Variants in CLNK observed in about 807,000 individuals in gnomAD.
CLNK encodes the protein cytokine-dependent hematopoietic cell linker.
In CLNK, 74 loss-of-function variants were observed where a neutral mutation model predicts 68.6. The ratio of observed to expected loss-of-function variants is 1.08; its 90% CI spans 0.89 to 1.31. CLNK has a LOEUF of 1.31. Ranked by LOEUF, CLNK falls within the 50% of genes most tolerant of loss-of-function variation. CLNK has a pLI of 0.00. For synonymous variants in CLNK, 198 were observed against 172.2 expected, an observed-to-expected ratio of 1.15 and a Z score of -1.17; for missense variants, 553 against 515.3, an observed-to-expected ratio of 1.07 and a Z score of -0.71.
At chr4:10,510,228 G>C (rs182742592) in intron 16 of CLNK, among the ~76,000 whole-genome samples, 1 of 152,062 alleles carries the variant, frequency 6.6e-6, no homozygotes, top group Non-Finnish European at 1.5e-5. Context: ...AATCACTTGC[G>C]GGGGGAGGGG....
At chr4:10,708,408 G>A in the CLNK span, among the ~76,000 whole-genome samples, 1 of 151,866 alleles carries the variant, frequency 6.6e-6, no homozygotes, top group South Asian at 2.1e-4. Flanking sequence ...TTTTACAAAT[G>A]AGGAATCTGA....
the CLNK span, among the ~76,000 whole-genome samples, chr4:10,712,559 C>T: frequency 6.6e-6 from 1 of 152,144 alleles, no homozygotes; most frequent in Admixed American, 6.5e-5. Flanking sequence ...CTAAAATAGC[C>T]TGTATAGCAT....
chr4:10,541,945 G>A (rs1719048843), intron 10 of CLNK, 77 bp downstream of exon 10: 2 of 1,052,198 alleles, frequency 1.9e-6, no homozygotes, highest in Admixed American at 2.4e-5. Flanking sequence ...TCAAATGTTT[G>A]TGTTTCTCTT....
In CLNK at chr4:10,563,494, A is replaced by C. The variant is rs139443816; in HGVS notation, c.399+1177T>G. Among the ~76,000 whole-genome samples the C allele has an allele frequency of 2.0e-3, 301 of 152,382 alleles. 4 individuals are homozygous for C. The East Asian group carries it at 0.032, about 16-fold the overall frequency. Reference sequence around the variant, plus strand: ...TGCTTTGTCTACAAAAATTATACTTATGAATGCTTGTTTATCACATGAGAA... The same window carrying C: ...TGCTTTGTCTACAAAAATTATACTTCTGAATGCTTGTTTATCACATGAGAA... On this transcript the variant is annotated intron_variant, in intron 7 of 18. Transcript: ENST00000226951.
intron 15 of CLNK, among the ~76,000 whole-genome samples, chr4:10,519,298 C>T (rs981291878): frequency 3.3e-5 from 5 of 152,140 alleles, no homozygotes; most frequent in Non-Finnish European, 7.3e-5. Flanking sequence ...TCTTCAGTTG[C>T]TCTTTATTTT....
chr4:10,599,748 T>A (rs992319633), intron 2 of CLNK, among the ~76,000 whole-genome samples: 2 of 151,826 alleles, frequency 1.3e-5, no homozygotes, highest in Non-Finnish European at 2.9e-5. Flanking sequence ...TGTTAACAGA[T>A]CCTAACAGTC....
chr4:10,592,088 C>G (rs751675590), intron 3 of CLNK, among the ~76,000 whole-genome samples: 32 of 152,190 alleles, frequency 2.1e-4, no homozygotes, highest in Admixed American at 3.3e-4. Flanking sequence ...CTCTGAGAAC[C>G]TGTGGCACTT....
At chr4:10,549,772 G>C (rs1719374381) in intron 8 of CLNK, among the ~76,000 whole-genome samples, 1 of 152,208 alleles carries the variant, frequency 6.6e-6, no homozygotes, top group African/African-American at 2.4e-5. Context: ...TCAAACAAGA[G>C]GACCCAAACA....
At chr4:10,553,050 GA>G (rs905862481) in intron 8 of CLNK, among the ~76,000 whole-genome samples, 7 of 128,902 alleles carry the variant, frequency 5.4e-5, no homozygotes, top group East Asian at 2.4e-4. Context: ...GCAGGAAGAG[GA>G]GGGGGGGGCA....
chr4:10,526,718 T>G (rs542822572), intron 13 of CLNK, among the ~76,000 whole-genome samples: 1 of 152,314 alleles, frequency 6.6e-6, no homozygotes, highest in South Asian at 2.1e-4. Context: ...TTCTCAATTT[T>G]TTCCCCCCTC....
At chr4:10,597,262 G>C (rs952674844) in intron 3 of CLNK, among the ~76,000 whole-genome samples, 2 of 152,158 alleles carry the variant, frequency 1.3e-5, no homozygotes, top group African/African-American at 2.4e-5. Context: ...CCCCAGGAAG[G>C]CTTGGCCAGG....
At chr4:10,697,051 ATTGAAAGATC>A in the CLNK span, 1 of 152,218 alleles carries the variant, frequency 6.6e-6, no homozygotes, top group Non-Finnish European at 1.5e-5. Context: ...TCTTGGAACA[ATTGAAAGATC>A]TCCAGCTATG....
intron 12 of CLNK, among the ~76,000 whole-genome samples, chr4:10,530,853 G>T (rs1289343799): frequency 6.6e-6 from 1 of 152,172 alleles, no homozygotes; most frequent in Non-Finnish European, 1.5e-5. Context: ...CTCCTTCCAG[G>T]TGACACTAAG....
intron 3 of CLNK, among the ~76,000 whole-genome samples, chr4:10,590,842 A>G (rs771515417): frequency 6.6e-6 from 1 of 151,416 alleles, no homozygotes; most frequent in African/African-American, 2.4e-5. Context: ...AAATGATTTC[A>G]CTCAAACCTC....
At chr4:10,697,809 T>C in the CLNK span, 5 of 152,328 alleles carry the variant, frequency 3.3e-5, no homozygotes, top group East Asian at 9.6e-4. Flanking sequence ...TACATTTTGA[T>C]CTACTCATTC....
At chr4:10,721,896 C>T in the CLNK span, among the ~76,000 whole-genome samples, 778 of 152,224 alleles carry the variant, frequency 5.1e-3, 5 homozygotes, top group Middle Eastern at 0.017. Flanking sequence ...TATGAATAAA[C>T]AGCCAGGCAG....
the CLNK span, among the ~76,000 whole-genome samples, chr4:10,727,710 A>G: frequency 6.6e-6 from 1 of 152,222 alleles, no homozygotes; most frequent in African/African-American, 2.4e-5. Flanking sequence ...GGAAGTGGAG[A>G]CAGCCAAGCT....
At chr4:10,496,092 C>A (rs976015735) in intron 18 of CLNK, among the ~76,000 whole-genome samples, 1 of 152,188 alleles carries the variant, frequency 6.6e-6, no homozygotes. Flanking sequence ...TAAGCACATG[C>A]CTCTATGTGT....
intron 1 of CLNK, among the ~76,000 whole-genome samples, chr4:10,676,232 A>G (rs1023465744): frequency 6.6e-6 from 1 of 152,182 alleles, no homozygotes; most frequent in Non-Finnish European, 1.5e-5. Flanking sequence ...GTTACATTTT[A>G]GAGATGCTCA....
Sources: gnomAD v4.1 joint callset for allele counts (sites outside exome capture counted in the v4.1 genomes callset) on GRCh38, gnomAD v4.1.1 for gene constraint, MANE v1.5 for transcripts, NCBI Gene and HGNC (gene_info 2026-07-23, HGNC 2026-07-21) for gene names.